MCOLN1: variants seen among roughly 807,000 people sequenced by gnomAD.
MCOLN1 encodes the protein mucolipin TRP cation channel 1.
A neutral mutation model predicts 70.3 loss-of-function variants in MCOLN1; 50 were observed. That is an observed-to-expected ratio of 0.71 (90% CI 0.57 to 0.90). The LOEUF is 0.90. Ranked by LOEUF, MCOLN1 falls within the 40% of genes least tolerant of loss-of-function variation. MCOLN1 has a pLI of 0.00. For synonymous variants in MCOLN1, 366 were observed against 341.0 expected, an observed-to-expected ratio of 1.07 and a Z score of -0.81; for missense variants, 598 against 803.5, an observed-to-expected ratio of 0.74 and a Z score of 3.09.
chr19:7,526,542 A>G lies in MCOLN1; in HGVS notation c.341A>G (p.Asp114Gly). Reference protein sequence around the residue: ...LFLLGYSDGADDTFAAYTREQ... With the variant: ...LFLLGYSDGAGDTFAAYTREQ... ...CTGCTGGGCTACTCGGACGGAGCGGATGACACCTTCGCAGCCTACACGCGG... is the reference window on the plus strand; with the variant it reads ...CTGCTGGGCTACTCGGACGGAGCGGGTGACACCTTCGCAGCCTACACGCGG... The change falls in exon 3 of 14, where the codon GAT becomes GGT. Residue 114 changes from aspartate to glycine, a missense_variant. Coordinates refer to ENST00000264079, the MANE Select transcript of MCOLN1 (RefSeq NM_020533.3). This position sits in a 1 kb window ranked among gnomAD's most constrained non-coding sequence, Gnocchi z 4.6. 2 of 1,614,176 alleles carry G rather than the reference A, an allele frequency of 1.2e-6. No homozygotes were observed. Among genetic ancestry groups the G allele is most frequent in the Non-Finnish European group, 1.7e-6 (2 of 1,180,022 alleles).
chr19:7,529,510 C>CCACCCACCCTAGGTTTTG, intron 10 of MCOLN1, 80 bp from the exon 11 acceptor site: 1 of 912,890 alleles, frequency 1.1e-6, no homozygotes, highest in Non-Finnish European at 1.7e-6. Context: ...GGCCCCGCCC[C>CCACCCACCCTAGGTTTTG]TCCCACCCCC....
chr19:7,533,946 CGGGGAGACTGGGT>C lies in MCOLN1; in HGVS notation c.*158_*170del. 2 of 847,008 alleles carry C rather than the reference CGGGGAGACTGGGT, an allele frequency of 2.4e-6. No homozygotes were observed. Among genetic ancestry groups the C allele is most frequent in the South Asian group, 1.4e-5 (1 of 69,978 alleles). The allele number at this position is 847,008 out of a possible 1,614,324, so 52.5% of individuals were successfully genotyped here. A position where few individuals can be genotyped will look rare whatever the true frequency, so the allele number is the denominator to read the frequency against. On this transcript the variant is annotated 3_prime_UTR_variant, in exon 14 of 14. Coordinates refer to ENST00000264079, the MANE Select transcript of MCOLN1 (RefSeq NM_020533.3). The stretch of plus-strand genomic sequence containing the variant: ...ACCTTTCGTGTCGGACCCTTGGGGG[CGGGGAGACTGGGT>C]GGGGAGGGTGTTGAATAAAAGGGAA...
rs1386264118 is a variant in MCOLN1 at position 7,526,827 on chromosome 19, A to G, written c.472A>G (p.Thr158Ala). 6.2e-7 allele frequency: 1 copy of G among 1,614,070 alleles called. No homozygotes were observed. Among genetic ancestry groups the G allele is most frequent in the Non-Finnish European group, 8.5e-7 (1 of 1,180,010 alleles). ...AYVRGGGDPW[T>A]NGSGLALCQR... ...TGTCCGTGGTGGGGGTGACCCTTGGACCAATGGCTCAGGGCTTGCTCTCTG... is the reference window on the plus strand; with the variant it reads ...TGTCCGTGGTGGGGGTGACCCTTGGGCCAATGGCTCAGGGCTTGCTCTCTG... Residue 158 changes from threonine to alanine, a missense_variant, in exon 4 of 14, where the codon ACC (threonine) becomes GCC (alanine). Physicochemically the swap from Thr to Ala is moderately conservative, Grantham distance 58. Transcript: ENST00000264079. The surrounding 1 kb of genome is among the most constrained non-coding windows in gnomAD (Gnocchi z 4.6).
intron 12 of MCOLN1, 64 bp downstream of exon 12, chr19:7,530,565 G>T (rs1019836093): frequency 1.3e-5 from 18 of 1,439,568 alleles, no homozygotes; most frequent in Non-Finnish European, 1.7e-5. Flanking sequence ...CCATGAGGGG[G>T]TCTTGGGGAC....
intron 11 of MCOLN1, 109 bp from the exon 12 acceptor site, chr19:7,530,177 G>C: frequency 2.0e-6 from 1 of 488,150 alleles, no homozygotes; most frequent in Non-Finnish European, 3.4e-6. Context: ...CATTCATGTG[G>C]GGCCCCAGCC....
At chr19:7,530,642 G>A in intron 12 of MCOLN1, 141 bp downstream of exon 12, 1 of 886,158 alleles carries the variant, frequency 1.1e-6, no homozygotes, top group Non-Finnish European at 1.8e-6. Context: ...AAAAGAGGGT[G>A]GTTCAGAACT....
Position 7,527,833 on chromosome 19 carries a change from C to T in MCOLN1, c.681-31C>T, listed in dbSNP as rs1296411004. ...TGGGGCCGGAAGGGACCCGAAGACG[C>T]CCCTGACCCTCACCCGAGCCTCCTG... On this transcript the variant is annotated intron_variant, in intron 5 of 13. Transcript: ENST00000264079. 11 of 1,561,374 alleles carry T rather than the reference C, an allele frequency of 7.0e-6. No homozygotes were observed. In the South Asian group the frequency reaches 1.2e-4, roughly 17 times the overall value.
At position 7,528,685 on chromosome 19, in the gene MCOLN1, A is replaced by C. The variant is rs61736600; in HGVS notation, c.966A>C (p.Arg322=). 114,503 of 1,613,996 alleles carry C rather than the reference A, an allele frequency of 0.071. 4,600 individuals carry two copies. The highest frequency in any genetic ancestry group is 0.082 in the Non-Finnish European group (96,200 of 1,179,976). ...SFLLCARSLL[R]GFLLQNEFVG... is the part of the protein sequence containing the mutation. ...TCCTCTGCGCCCGCTCACTCCTTCG[A>C]GGCTTCCTGCTGCAGAACGTGAGGC... Residue 322 remains arginine (R), a synonymous_variant, in exon 8 of 14, where the codon CGA becomes CGC. Transcript: ENST00000264079. This position sits in a 1 kb window ranked among gnomAD's most constrained non-coding sequence, Gnocchi z 4.2.
chr19:7,532,119 G>A (rs967833733), intron 12 of MCOLN1, among the ~76,000 whole-genome samples: 1 of 152,258 alleles, frequency 6.6e-6, no homozygotes, highest in African/African-American at 2.4e-5. Context: ...AGCAGGATGC[G>A]GAAGTGGCAG....
intron 12 of MCOLN1, chr19:7,533,265 C>G: frequency 1.7e-6 from 1 of 585,900 alleles, no homozygotes; most frequent in Non-Finnish European, 3.0e-6. Flanking sequence ...AGCCCTGGCT[C>G]TAGGTCTGTA....
chr19:7,533,735 C>T (rs1194415366), intron 13 of MCOLN1, 24 bp from the exon 14 acceptor site: 4 of 1,614,064 alleles, frequency 2.5e-6, no homozygotes, highest in Middle Eastern at 3.3e-4. Context: ...ACTGACGCCC[C>T]TCTTCCCTGC....
At position 7,524,930 on chromosome 19, in the gene MCOLN1, C is replaced by T. The variant is rs2022545145; in HGVS notation, c.32-31C>T. The T allele has an allele frequency of 3.1e-6, 5 of 1,588,286 alleles. No homozygotes were observed. Among genetic ancestry groups the T allele is most frequent in the South Asian group, 1.1e-5 (1 of 90,426 alleles). On this transcript the variant is annotated intron_variant, in intron 1 of 13. Transcript: ENST00000264079. This position sits in a 1 kb window ranked among gnomAD's most constrained non-coding sequence, Gnocchi z 4.1. ...AGGGGAAAAGGGGAGTTGCCCAGGC[C>T]TCACCCCAGTGCCCTCTCCTATTCC...
At chr19:7,530,593 G>A (rs533823543) in intron 12 of MCOLN1, 92 bp downstream of exon 12, 1 of 1,188,118 alleles carries the variant, frequency 8.4e-7, no homozygotes, top group African/African-American at 1.5e-5. Flanking sequence ...GGTGAACAGA[G>A]AAGACCCAGG....
rs576176910 is a variant in MCOLN1, at chr19:7,526,939, G to A, written c.571+13G>A. ...ATGGTGGTTACTGGTGAGTGGGCAG[G>A]ACGAGGCTTCACTGTTGGGAGCCTG... On this transcript the variant is annotated intron_variant, in intron 4 of 13. Transcript: ENST00000264079. The surrounding 1 kb of genome is among the most constrained non-coding windows in gnomAD (Gnocchi z 4.6). 298 of 1,614,046 alleles carry A rather than the reference G, an allele frequency of 1.8e-4. 6 individuals carry two copies. The South Asian group carries it at 3.1e-3, about 17-fold the overall frequency.
At chr19:7,530,174 GTGGGGCCCCA>G (rs1458639717) in intron 11 of MCOLN1, 102 bp from the exon 12 acceptor site, 9 of 451,120 alleles carry the variant, frequency 2.0e-5, no homozygotes, top group Non-Finnish European at 3.4e-5. Flanking sequence ...GGCCATTCAT[GTGGGGCCCCA>G]GCCACCAGCT....
At chr19:7,523,134 C>G (rs577925721) in intron 1 of MCOLN1, among the ~76,000 whole-genome samples, 1 of 152,354 alleles carries the variant, frequency 6.6e-6, no homozygotes, top group Admixed American at 6.5e-5. Flanking sequence ...CTTCTCCAAC[C>G]CGCACGTGAG....
chr19:7,522,886 G>T, intron 1 of MCOLN1, 105 bp downstream of exon 1: 2 of 1,087,170 alleles, frequency 1.8e-6, no homozygotes, highest in Non-Finnish European at 2.4e-6. Context: ...AAGCTCCAGC[G>T]CTGACTTTTC....
At position 7,526,904 on chromosome 19, in the gene MCOLN1, C is replaced by A. The variant is rs1323104500; in HGVS notation, c.549C>A (p.Asp183Glu). The A allele has an allele frequency of 1.9e-6, 3 of 1,613,936 alleles. No individual in the cohort carries two copies. Residue 183 changes from aspartate (D) to glutamate (E), a missense_variant, in exon 4 of 14, where the codon GAC (aspartate) becomes GAA (glutamate). Physicochemically the swap from Asp to Glu is conservative, Grantham distance 45. This residue lies in a region of MCOLN1 where 461 missense variants were observed against 588.4 expected (regional missense o/e 0.78). Transcript: ENST00000264079. This position sits in a 1 kb window ranked among gnomAD's most constrained non-coding sequence, Gnocchi z 4.6. ...TGGACCCGGCCAACGACACATTTGA[C>A]ATTGATCCGATGGTGGTTACTGGTG... The part of the protein sequence containing the change: ...GHVDPANDTF[D>E]IDPMVVTDCI...
In MCOLN1 at chr19:7,533,924, T is replaced by G; in HGVS notation, c.*129T>G. Reference sequence around the variant, plus strand: ...GTCGCGCCCGAGGAGGGCCTGGACCTTTCGTGTCGGACCCTTGGGGGCGGG... The same window carrying G: ...GTCGCGCCCGAGGAGGGCCTGGACCGTTCGTGTCGGACCCTTGGGGGCGGG... On this transcript the variant is annotated 3_prime_UTR_variant, in exon 14 of 14. Coordinates refer to ENST00000264079, the MANE Select transcript of MCOLN1 (RefSeq NM_020533.3). The G allele has an allele frequency of 9.2e-7, 1 of 1,090,650 alleles. No individual in the cohort carries two copies. Among genetic ancestry groups the G allele is most frequent in the Non-Finnish European group, 1.4e-6 (1 of 732,642 alleles). The allele number at this position is 1,090,650 out of a possible 1,614,324, so 67.6% of individuals were successfully genotyped here.
Sources: gnomAD v4.1 joint callset for allele counts (sites outside exome capture counted in the v4.1 genomes callset) on GRCh38, gnomAD v4.1.1 for gene constraint, gnomAD v4.1.1 regional missense constraint, Gnocchi (gnomAD v3.1) non-coding constraint, MANE v1.5 for transcripts, NCBI Gene and HGNC (gene_info 2026-07-23, HGNC 2026-07-21) for gene names.